The following AFF3 variants were observed in gnomAD, a reference collection of about 807,000 sequenced individuals.
The protein encoded by AFF3 is AF4/FMR2 family member 3.
Under a neutral mutation model 129.7 loss-of-function variants are expected in AFF3, and 32 were observed. The observed-to-expected ratio is 0.25, with a 90% CI of 0.19 to 0.33. The LOEUF is 0.33. Ranked by LOEUF, AFF3 falls within the 10% of genes least tolerant of loss-of-function variation. AFF3 has a pLI of 1.00. For synonymous variants in AFF3, 644 were observed against 635.4 expected, an observed-to-expected ratio of 1.01 and a Z score of -0.20; for missense variants, 1,373 against 1,592.0, an observed-to-expected ratio of 0.86 and a Z score of 2.34.
intron 7 of AFF3, among the ~76,000 whole-genome samples, chr2:99,906,961 G>A (rs969386175): frequency 2.6e-5 from 4 of 151,954 alleles, no homozygotes; most frequent in African/African-American, 4.8e-5. Flanking sequence ...TTTTACTGAC[G>A]ACTGAAGAGC....
chr2:100,082,067 G>A (rs1420607889), intron 4 of AFF3, among the ~76,000 whole-genome samples: 1 of 152,088 alleles, frequency 6.6e-6, no homozygotes, highest in Non-Finnish European at 1.5e-5. Context: ...TTAATACCTG[G>A]TTTCTTGAAA....
chr2:99,931,519 T>G (rs954817991), intron 7 of AFF3, among the ~76,000 whole-genome samples: 21 of 152,184 alleles, frequency 1.4e-4, no homozygotes, highest in Non-Finnish European at 3.1e-4. Context: ...CACTGATGGA[T>G]TCTTTATTTT....
chr2:100,009,126 A>G (rs1573096502), intron 4 of AFF3, among the ~76,000 whole-genome samples, 194 bp from the exon 5 acceptor site: 1 of 152,316 alleles, frequency 6.6e-6, no homozygotes, highest in East Asian at 1.9e-4. Flanking sequence ...TGGGGGGAAA[A>G]GAATCCTTAG....
intron 9 of AFF3, 140 bp from the exon 10 acceptor site, chr2:99,744,280 T>C (rs1228923378): frequency 1.4e-5 from 9 of 651,748 alleles, no homozygotes; most frequent in African/African-American, 1.3e-4. Flanking sequence ...ATGAGAAACA[T>C]ATACATGAAG....
chr2:99,585,710 T>C (rs1186294856), intron 16 of AFF3, among the ~76,000 whole-genome samples: 1 of 152,186 alleles, frequency 6.6e-6, no homozygotes, highest in African/African-American at 2.4e-5. Context: ...CCGGTATAAA[T>C]CACAGCTATT....
chr2:99,977,953 T>A (rs1679041846), intron 7 of AFF3, among the ~76,000 whole-genome samples: 1 of 152,188 alleles, frequency 6.6e-6, no homozygotes, highest in Admixed American at 6.5e-5. Flanking sequence ...ATCCCAACAC[T>A]GTCCTGCTCT....
chr2:100,061,854 T>TGCG lies in AFF3; in HGVS notation c.53+42547_53+42548insCGC, dbSNP rs1553515714. On this transcript the variant is annotated intron_variant, in intron 4 of 24. Coordinates refer to ENST00000672756, the MANE Select transcript of AFF3 (RefSeq NM_001386135.1). ...ATCACCAAAGAGATGGGTAGCACAGTGGAGGGGGGGGGGGTGCCGACTCTC... is the reference window on the plus strand; with the variant it reads ...ATCACCAAAGAGATGGGTAGCACAGTGCGGGAGGGGGGGGGGGTGCCGACTCTC... 5.3e-5 allele frequency among the ~76,000 whole-genome samples: 4 copies of TGCG among 75,722 alleles called. 2 individuals carry two copies. Among genetic ancestry groups the TGCG allele is most frequent in the Non-Finnish European group, 1.1e-4 (4 of 35,394 alleles). 49.7% of individuals were successfully genotyped at this position (75,722 alleles called of 152,430 possible). A position where few individuals can be genotyped will look rare whatever the true frequency, so the allele number is the denominator to read the frequency against.
At chr2:99,553,422 T>C (rs1188531972) in intron 24 of AFF3, among the ~76,000 whole-genome samples, 2 of 152,192 alleles carry the variant, frequency 1.3e-5, no homozygotes, top group East Asian at 1.9e-4. Context: ...CATGCTATCA[T>C]GGGAACATAG....
intron 2 of AFF3, chr2:100,109,702 A>G (rs999820232): frequency 2.6e-5 from 4 of 152,198 alleles, no homozygotes; most frequent in East Asian, 1.9e-4. Flanking sequence ...ATTACTGTCA[A>G]CTGGGTGCTG....
chr2:99,908,205 C>CT (rs932070485), intron 7 of AFF3, among the ~76,000 whole-genome samples: 14 of 152,050 alleles, frequency 9.2e-5, no homozygotes, highest in African/African-American at 2.9e-4. Flanking sequence ...TAAAAATAAC[C>CT]TTTTTTTGGA....
intron 1 of AFF3, among the ~76,000 whole-genome samples, chr2:100,134,204 A>G (rs1281253652): frequency 1.3e-5 from 2 of 152,200 alleles, no homozygotes; most frequent in Non-Finnish European, 2.9e-5. Flanking sequence ...ACAGGGGATT[A>G]CCCACAGGAA....
chr2:99,927,828 T>C (rs899917501), intron 7 of AFF3, among the ~76,000 whole-genome samples: 25 of 152,198 alleles, frequency 1.6e-4, no homozygotes, highest in African/African-American at 6.0e-4. Context: ...GAGACTGATA[T>C]GGTTTGGGTG....
chr2:99,947,681 T>A (rs1323687200), intron 7 of AFF3, among the ~76,000 whole-genome samples: 2 of 150,884 alleles, frequency 1.3e-5, no homozygotes, highest in Non-Finnish European at 1.5e-5. Flanking sequence ...GATAGATCGA[T>A]CCAAACACAG....
chr2:99,688,482 G>A (rs1005258619), intron 11 of AFF3, among the ~76,000 whole-genome samples: 4 of 152,138 alleles, frequency 2.6e-5, no homozygotes, highest in African/African-American at 9.7e-5. Flanking sequence ...AAACTACTGG[G>A]GGCATTCAAT....
intron 7 of AFF3, among the ~76,000 whole-genome samples, chr2:99,994,815 A>G (rs1329908179): frequency 2.6e-5 from 4 of 152,152 alleles, no homozygotes; most frequent in African/African-American, 9.7e-5. Flanking sequence ...TTTGTCACTG[A>G]TCTGCCTGAC....
At chr2:100,022,995 C>T (rs986236211) in intron 4 of AFF3, among the ~76,000 whole-genome samples, 3 of 152,224 alleles carry the variant, frequency 2.0e-5, no homozygotes, top group African/African-American at 7.2e-5. Flanking sequence ...TAGTCCTCTG[C>T]CGAGTTAGCA....
chr2:99,736,997 T>TCC (rs1333115373), intron 10 of AFF3, among the ~76,000 whole-genome samples: 3 of 152,334 alleles, frequency 2.0e-5, no homozygotes, highest in African/African-American at 7.2e-5. Context: ...GATTAACTAA[T>TCC]AATATTCATA....
At chr2:99,618,669 C>A (rs190893228) in intron 13 of AFF3, among the ~76,000 whole-genome samples, 2 of 152,272 alleles carry the variant, frequency 1.3e-5, no homozygotes, top group African/African-American at 4.8e-5. Context: ...TTCCAGTTTA[C>A]CTGCATTATT....
At chr2:99,956,746 C>A (rs1219075906) in intron 7 of AFF3, among the ~76,000 whole-genome samples, 1 of 152,058 alleles carries the variant, frequency 6.6e-6, no homozygotes, top group Non-Finnish European at 1.5e-5. Flanking sequence ...GAGCAAGAGG[C>A]AATTTTTTAT....
Sources: allele counts gnomAD v4.1 joint callset (sites outside exome capture counted in the v4.1 genomes callset), GRCh38; gene constraint gnomAD v4.1.1; transcripts MANE v1.5; gene names NCBI Gene and HGNC (gene_info 2026-07-23, HGNC 2026-07-21).